Variants in ARRB2 observed in about 807,000 individuals in gnomAD.
ARRB2 encodes beta-arrestin-2.
A neutral mutation model predicts 53.4 loss-of-function variants in ARRB2; 21 were observed. The ratio of observed to expected loss-of-function variants is 0.39; its 90% CI spans 0.28 to 0.57. The LOEUF (loss-of-function observed/expected upper bound fraction) is 0.57. Ranked by LOEUF, ARRB2 falls within the 20% of genes least tolerant of loss-of-function variation. The pLI, the probability that ARRB2 is intolerant of heterozygous loss-of-function variation, is 0.55. For missense variants in ARRB2, 369 were observed against 527.5 expected, an observed-to-expected ratio of 0.70 and a Z score of 2.94; for synonymous variants, 180 against 212.9, an observed-to-expected ratio of 0.85 and a Z score of 1.34.
In ARRB2 at chr17:4,721,327, AGAG is replaced by A. The variant is rs1416962730; in HGVS notation, c.*292_*294del. The A allele has an allele frequency of 2.2e-5, 10 of 451,826 alleles. No individual in the cohort carries two copies. Among genetic ancestry groups the A allele is most frequent in the African/African-American group, 2.0e-4 (10 of 49,678 alleles). 28.0% of individuals were successfully genotyped at this position (451,826 alleles called of 1,614,324 possible). A position where few individuals can be genotyped will look rare whatever the true frequency, so the allele number is the denominator to read the frequency against. ...AATTTTCTGGAAGGGGACAGTGAAA[AGAG>A]GAGTGACAGGAGGGAAAGGGGGAGA... On this transcript the variant is annotated 3_prime_UTR_variant, in exon 15 of 15. Transcript: ENST00000269260. This position sits in a 1 kb window ranked among gnomAD's most constrained non-coding sequence, Gnocchi z 4.2.
At position 4,717,884 on chromosome 17, in the gene ARRB2, C is replaced by A; in HGVS notation, c.486-4C>A. 2 of 1,614,064 alleles carry A rather than the reference C, an allele frequency of 1.2e-6. No homozygotes were observed. The highest frequency in any genetic ancestry group is 1.7e-6 in the Non-Finnish European group (2 of 1,180,022). On this transcript the variant is annotated splice_polypyrimidine_tract_variant and splice_region_variant and intron_variant, in intron 7 of 14. Coordinates refer to ENST00000269260, the MANE Select transcript of ARRB2 (RefSeq NM_004313.4). This position sits in a 1 kb window ranked among gnomAD's most constrained non-coding sequence, Gnocchi z 6.0. ...GACCCCTCCTGCCCCTACTCTGATC[C>A]CAGGAACTCTGTGCGGCTGGTGATC...
chr17:4,718,385 G>C, intron 9 of ARRB2, 40 bp downstream of exon 9: 2 of 1,574,420 alleles, frequency 1.3e-6, no homozygotes, highest in Non-Finnish European at 1.7e-6. Flanking sequence ...CGGGGAGGGC[G>C]TTACTGCACA....
chr17:4,714,938 G>A, intron 1 of ARRB2, 75 bp from the exon 2 acceptor site: 2 of 1,499,674 alleles, frequency 1.3e-6, no homozygotes, highest in East Asian at 4.7e-5. Flanking sequence ...TCAGGCCTGG[G>A]AGGGAGAGGG....
chr17:4,716,841 T>G, intron 5 of ARRB2: 1 of 765,834 alleles, frequency 1.3e-6, no homozygotes. Context: ...CAGCCTCTTT[T>G]TTGTTGTTGT....
rs1915006741 is a variant in ARRB2, at chr17:4,716,139, C to T, written c.116-8C>T. On this transcript the variant is annotated splice_region_variant and splice_polypyrimidine_tract_variant and intron_variant, in intron 3 of 14. Transcript: ENST00000269260. The stretch of plus-strand genomic sequence containing the variant: ...TTCAGGAAGTGAGCTGGTGTGTCCC[C>T]CTCCTAGATGGCGTGGTGCTTGTGG... The T allele has an allele frequency of 1.2e-6, 2 of 1,613,982 alleles. No individual in the cohort carries two copies. Among genetic ancestry groups the T allele is most frequent in the African/African-American group, 2.7e-5 (2 of 74,906 alleles).
chr17:4,716,813 C>A, intron 5 of ARRB2: 1 of 875,012 alleles, frequency 1.1e-6, no homozygotes, highest in African/African-American at 1.7e-5. Context: ...CCCTTCTCAT[C>A]CCCAGGAGTC....
Position 4,717,111 on chromosome 17 carries a change from G to T in ARRB2, c.358-106G>T. 7.7e-7 allele frequency: 1 copy of T among 1,301,380 alleles called. No homozygotes were observed. Among genetic ancestry groups the T allele is most frequent in the Non-Finnish European group, 1.1e-6 (1 of 900,006 alleles). The allele number at this position is 1,301,380 out of a possible 1,614,324, so 80.6% of individuals were successfully genotyped here. A position where few individuals can be genotyped will look rare whatever the true frequency, so the allele number is the denominator to read the frequency against. ...AGCCTTCCAAAGTGTTGGGATTACA[G>T]GCATGAGCCACCACACCCAGCGTCT... is the stretch of plus-strand genomic sequence containing the variant. On this transcript the variant is annotated intron_variant, in intron 5 of 14. Coordinates refer to ENST00000269260, the MANE Select transcript of ARRB2 (RefSeq NM_004313.4). The surrounding 1 kb of genome is among the most constrained non-coding windows in gnomAD (Gnocchi z 6.0).
rs200424489 is a variant in ARRB2 at position 4,716,608 on chromosome 17, C to G, written c.357C>G (p.Thr119=). The change falls in exon 5 of 15, where the codon ACC becomes ACG. Residue 119 remains threonine (T), a splice_region_variant and synonymous_variant. Coordinates refer to ENST00000269260, the MANE Select transcript of ARRB2 (RefSeq NM_004313.4). ...LGQHAHPFFF[T]IPQNLPCSVT... is the part of the protein sequence containing the mutation. Reference sequence around the variant, plus strand: ...AGCATGCCCACCCCTTCTTCTTCACCGTGAGGATGCCCCTGCCCTCTGAGG... The same window carrying G: ...AGCATGCCCACCCCTTCTTCTTCACGGTGAGGATGCCCCTGCCCTCTGAGG... 6 of 1,561,668 alleles carry G rather than the reference C, an allele frequency of 3.8e-6. No individual in the cohort carries two copies. The highest frequency in any genetic ancestry group is 5.2e-6 in the Non-Finnish European group (6 of 1,154,798).
At chr17:4,713,768 TG>T (rs1914668546) in intron 1 of ARRB2, among the ~76,000 whole-genome samples, 1 of 137,470 alleles carries the variant, frequency 7.3e-6, no homozygotes, top group African/African-American at 2.8e-5. Context: ...CCAGCCTTGG[TG>T]ATAGAGTGAG....
Position 4,717,773 on chromosome 17 carries a change from T to C in ARRB2, c.485+21T>C. On this transcript the variant is annotated intron_variant, in intron 7 of 14. Transcript: ENST00000269260. This position sits in a 1 kb window ranked among gnomAD's most constrained non-coding sequence, Gnocchi z 6.0. The stretch of plus-strand genomic sequence containing the variant: ...AAAAGGTAAGGGAAGTGACCTCCTC[T>C]GTGGTGTAAGAGGAGGCTTTCCTCC... 1 of 1,614,146 alleles carries C rather than the reference T, an allele frequency of 6.2e-7. No homozygotes were observed. The highest frequency in any genetic ancestry group is 1.1e-5 in the South Asian group (1 of 91,084).
intron 14 of ARRB2, 74 bp from the exon 15 acceptor site, chr17:4,720,872 G>A (rs1209407921): frequency 3.4e-6 from 5 of 1,479,710 alleles, no homozygotes; most frequent in Non-Finnish European, 4.7e-6. Flanking sequence ...CCTAGCTTCG[G>A]GGAGGGCAGG....
At chr17:4,716,651 G>A (rs1437414481) in intron 5 of ARRB2, 43 bp downstream of exon 5, 2 of 1,543,586 alleles carry the variant, frequency 1.3e-6, no homozygotes, top group Admixed American at 2.0e-5. Context: ...GGCTGGGGCT[G>A]GGACTGTGTC....
At chr17:4,718,780 A>AC in intron 10 of ARRB2, 96 bp downstream of exon 10, 2 of 1,048,748 alleles carry the variant, frequency 1.9e-6, no homozygotes, top group African/African-American at 5.4e-5. Context: ...AGCCATCTCC[A>AC]CCTTTTTTTT....
At chr17:4,715,694 G>GACACACACACACAC (rs150787978) in intron 2 of ARRB2, 13 of 443,468 alleles carry the variant, frequency 2.9e-5, no homozygotes, top group South Asian at 1.9e-4. Flanking sequence ...GTTGGCTGAG[G>GACACACACACACAC]ACACACACAC....
At chr17:4,714,245 A>C (rs1034841626) in intron 1 of ARRB2, among the ~76,000 whole-genome samples, 3 of 152,232 alleles carry the variant, frequency 2.0e-5, no homozygotes, top group African/African-American at 7.2e-5. Context: ...AGCTTCCTAA[A>C]GGCTGGGCCT....
At chr17:4,718,489 G>A (rs1409156590) in intron 9 of ARRB2, 123 bp from the exon 10 acceptor site, 11 of 1,215,364 alleles carry the variant, frequency 9.1e-6, no homozygotes, top group East Asian at 4.7e-5. Context: ...AATGATACGG[G>A]GAGCCTCGGT....
rs757288423 is a variant in ARRB2 at position 4,717,939 on chromosome 17, C to T, written c.537C>T (p.Pro179=). The T allele has an allele frequency of 9.3e-6, 15 of 1,613,692 alleles. No individual in the cohort carries two copies. The highest frequency in any genetic ancestry group is 1.2e-5 in the Non-Finnish European group (14 of 1,180,040). The change falls in exon 8 of 15, where the codon CCC becomes CCT. Residue 179 remains proline (P), a synonymous_variant. Coordinates refer to ENST00000269260, the MANE Select transcript of ARRB2 (RefSeq NM_004313.4). The surrounding 1 kb of genome is among the most constrained non-coding windows in gnomAD (Gnocchi z 6.0). ...AGGTGCAGTTCGCCCCGGAGAAACC[C>T]GGCCCCCAGCCTTCAGCCGAAACCA... ...IRKVQFAPEK[P]GPQPSAETTR...
intron 9 of ARRB2, 66 bp from the exon 10 acceptor site, chr17:4,718,546 T>A: frequency 1.3e-6 from 2 of 1,527,790 alleles, no homozygotes; most frequent in Non-Finnish European, 1.8e-6. Context: ...CCACGGGGTC[T>A]GGAGTTGTGG....
chr17:4,718,002 C>T lies in ARRB2; in HGVS notation c.600C>T (p.Leu200=), dbSNP rs531803906. 3.3e-5 allele frequency: 54 copies of T among 1,613,382 alleles called. No individual in the cohort carries two copies. The highest frequency in any genetic ancestry group is 9.3e-5 in the African/African-American group (7 of 74,920). The change falls in exon 8 of 15, where the codon CTC becomes CTT. Residue 200 remains leucine (L), a synonymous_variant. Coordinates refer to ENST00000269260, the MANE Select transcript of ARRB2 (RefSeq NM_004313.4). ...HFLMSDRSLH[L]EASLDKELYY... is the part of the protein sequence containing the mutation. The stretch of plus-strand genomic sequence containing the variant: ...TCATGTCTGACCGGTCCCTGCACCT[C>T]GAGGCTTCCCTGGACAAGGAGGTGG...
Sources: allele counts gnomAD v4.1 joint callset (sites outside exome capture counted in the v4.1 genomes callset), GRCh38; gene constraint gnomAD v4.1.1; non-coding constraint Gnocchi (gnomAD v3.1); transcripts MANE v1.5; gene names NCBI Gene and HGNC (gene_info 2026-07-23, HGNC 2026-07-21).